Variants in CSNK1G1 observed in about 807,000 individuals in gnomAD.
CSNK1G1 encodes casein kinase 1 gamma 1.
Under a neutral mutation model 59.6 loss-of-function variants are expected in CSNK1G1, and 22 were observed. That is an observed-to-expected ratio of 0.37 (90% CI 0.26 to 0.53). The LOEUF is 0.53. Among genes scored for constraint, CSNK1G1 ranks in the 20% least tolerant of loss-of-function variants. The probability of loss-of-function intolerance (pLI) is 0.89; values close to 1 mark genes in which losing one functional copy is unlikely to be tolerated. For missense variants in CSNK1G1, 384 were observed against 519.5 expected (o/e 0.74, Z 2.54); for synonymous variants, 179 against 177.1 (o/e 1.01, Z -0.08).
intron 10 of CSNK1G1, chr15:64,189,207 T>C: frequency 9.3e-6 from 3 of 323,088 alleles, no homozygotes; most frequent in Non-Finnish European, 1.4e-5. Context: ...TAGACTGAAT[T>C]AGAAAAAGTT....
intron 4 of CSNK1G1, among the ~76,000 whole-genome samples, chr15:64,231,571 A>T (rs1188222215): frequency 6.6e-6 from 1 of 151,644 alleles, no homozygotes; most frequent in Non-Finnish European, 1.5e-5. Context: ...TCTTTAATAA[A>T]TGCATGAACA....
intron 10 of CSNK1G1, among the ~76,000 whole-genome samples, chr15:64,185,829 T>A (rs888307670): frequency 1.5e-5 from 2 of 134,306 alleles, no homozygotes; most frequent in African/African-American, 5.8e-5. Context: ...GCTACTGCAC[T>A]CCAGCCTGGA....
intron 1 of CSNK1G1, among the ~76,000 whole-genome samples, chr15:64,341,825 C>T (rs1376890888): frequency 6.6e-6 from 1 of 152,144 alleles, no homozygotes; most frequent in Non-Finnish European, 1.5e-5. Context: ...CACAGACTAT[C>T]TACTCTAAAA....
intron 4 of CSNK1G1, among the ~76,000 whole-genome samples, chr15:64,234,959 G>T (rs1049619465): frequency 2.0e-5 from 3 of 152,054 alleles, no homozygotes; most frequent in Non-Finnish European, 4.4e-5. Context: ...TATGCAGGAG[G>T]CCTTTTCCCA....
At position 64,200,908 on chromosome 15, in the gene CSNK1G1, T is replaced by C. The variant is rs756197535; in HGVS notation, c.1107+2174A>G. ...GCAACAGTTTTATGCACATAACCTATACTTTGAGTGGTTTTATTGATTGAT... is the reference window on the plus strand; with the variant it reads ...GCAACAGTTTTATGCACATAACCTACACTTTGAGTGGTTTTATTGATTGAT... On this transcript the variant is annotated intron_variant, in intron 10 of 11. Transcript: ENST00000303052. The surrounding 1 kb of genome is among the most constrained non-coding windows in gnomAD (Gnocchi z 4.3). Among the ~76,000 whole-genome samples the C allele has an allele frequency of 1.1e-4, 17 of 152,210 alleles. No individual in the cohort carries two copies. The highest frequency in any genetic ancestry group is 2.5e-4 in the Non-Finnish European group (17 of 68,054).
At chr15:64,285,396 A>G (rs573873421) in intron 2 of CSNK1G1, among the ~76,000 whole-genome samples, 2 of 152,296 alleles carry the variant, frequency 1.3e-5, no homozygotes, top group Admixed American at 6.5e-5. Flanking sequence ...CAACAAAACA[A>G]AAAAGCTCCA....
rs1199716996 is a variant in CSNK1G1 at position 64,209,401 on chromosome 15, T to C, written c.680-1807A>G. On this transcript the variant is annotated intron_variant, in intron 6 of 11. Transcript: ENST00000303052. ...ACTATTGCCTTAAATTATAGGGAAT[T>C]TGCATGAAAAAGAATAGTAGTCTAC... 7.9e-5 allele frequency among the ~76,000 whole-genome samples: 12 copies of C among 152,052 alleles called. No individual in the cohort carries two copies. The East Asian group carries it at 2.3e-3, about 29-fold the overall frequency.
intron 2 of CSNK1G1, among the ~76,000 whole-genome samples, chr15:64,287,839 G>C (rs1185651307): frequency 6.6e-6 from 1 of 152,078 alleles, no homozygotes; most frequent in South Asian, 2.1e-4. Context: ...TAGACATCTA[G>C]TTTAACATGG....
rs1443967182 is a variant in CSNK1G1 at position 64,184,187 on chromosome 15, C to A, written c.1108-3733G>T. 2.6e-5 allele frequency among the ~76,000 whole-genome samples: 4 copies of A among 151,900 alleles called. No individual in the cohort carries two copies. The East Asian group carries it at 7.8e-4, about 30-fold the overall frequency. ...GCATGGTGGCACACGTCTGTAGTCCCAGCTACTCGGGAGGCTGAGGCAGGA... is the reference window on the plus strand; with the variant it reads ...GCATGGTGGCACACGTCTGTAGTCCAAGCTACTCGGGAGGCTGAGGCAGGA... On this transcript the variant is annotated intron_variant, in intron 10 of 11. Coordinates refer to ENST00000303052, the MANE Select transcript of CSNK1G1 (RefSeq NM_022048.5).
chr15:64,337,622 C>A (rs927729797), intron 1 of CSNK1G1, among the ~76,000 whole-genome samples: 9 of 152,222 alleles, frequency 5.9e-5, no homozygotes, highest in African/African-American at 2.2e-4. Flanking sequence ...GATGTGAACC[C>A]ACCTGGCTTT....
chr15:64,285,317 G>A (rs1415193473), intron 2 of CSNK1G1, among the ~76,000 whole-genome samples: 1 of 152,060 alleles, frequency 6.6e-6, no homozygotes, highest in Non-Finnish European at 1.5e-5. Context: ...ACACATACCT[G>A]AACAAAGTCT....
chr15:64,282,205 C>T (rs769211962), intron 2 of CSNK1G1, among the ~76,000 whole-genome samples: 9 of 151,978 alleles, frequency 5.9e-5, no homozygotes, highest in African/African-American at 2.2e-4. Context: ...CTGGGATTAC[C>T]GGCATGAACC....
chr15:64,245,128 G>T (rs960197490), intron 4 of CSNK1G1, among the ~76,000 whole-genome samples: 4 of 152,092 alleles, frequency 2.6e-5, no homozygotes, highest in Admixed American at 2.6e-4. Flanking sequence ...TTAGATGTAA[G>T]ACCTGAAACT....
chr15:64,289,675 C>T (rs1894629590), intron 2 of CSNK1G1, among the ~76,000 whole-genome samples: 1 of 152,102 alleles, frequency 6.6e-6, no homozygotes, highest in South Asian at 2.1e-4. Flanking sequence ...TTGCAAACTG[C>T]ATCTAACAGG....
At chr15:64,245,750 GAA>G (rs997401892) in intron 4 of CSNK1G1, among the ~76,000 whole-genome samples, 2 of 138,410 alleles carry the variant, frequency 1.4e-5, no homozygotes, top group Non-Finnish European at 3.2e-5. Flanking sequence ...CCACAAAAAG[GAA>G]AAAAAAAAAA....
intron 2 of CSNK1G1, among the ~76,000 whole-genome samples, chr15:64,263,475 C>T (rs985788749): frequency 4.6e-5 from 7 of 151,756 alleles, no homozygotes; most frequent in African/African-American, 1.5e-4. Context: ...GTTTGAGCCA[C>T]CGCTCCCAGG....
At chr15:64,239,373 CTTTGTT>C (rs1270328122) in intron 4 of CSNK1G1, among the ~76,000 whole-genome samples, 6 of 151,894 alleles carry the variant, frequency 4.0e-5, no homozygotes, top group East Asian at 3.9e-4. Flanking sequence ...TGTTTTTTTT[CTTTGTT>C]TTTGTTTTTG....
chr15:64,280,799 A>G (rs540752730), intron 2 of CSNK1G1, among the ~76,000 whole-genome samples: 2 of 152,306 alleles, frequency 1.3e-5, no homozygotes, highest in East Asian at 3.9e-4. Flanking sequence ...AAGCAACCCA[A>G]ATGTCCATTG....
At chr15:64,241,872 AAATT>A (rs1189254648) in intron 4 of CSNK1G1, among the ~76,000 whole-genome samples, 1 of 152,078 alleles carries the variant, frequency 6.6e-6, no homozygotes, top group Admixed American at 6.5e-5. Flanking sequence ...GAAATCAACA[AAATT>A]AAGACCAAAA....
Sources: allele counts gnomAD v4.1 joint callset (sites outside exome capture counted in the v4.1 genomes callset), GRCh38; gene constraint gnomAD v4.1.1; non-coding constraint Gnocchi (gnomAD v3.1); transcripts MANE v1.5; gene names NCBI Gene and HGNC (gene_info 2026-07-23, HGNC 2026-07-21).